POC1A: variants seen among roughly 807,000 people sequenced by gnomAD.
The protein encoded by POC1A is POC1 centriolar protein homolog A.
Under a neutral mutation model 47.8 loss-of-function variants are expected in POC1A, and 34 were observed. The observed-to-expected ratio is 0.71, with a 90% confidence interval of 0.54 to 0.95. The LOEUF is 0.95. POC1A is among the 40% of genes least tolerant of loss of function. POC1A has a pLI of 0.00. For synonymous variants in POC1A, 177 were observed against 207.6 expected (o/e 0.85, Z 1.27); for missense variants, 466 against 528.3 (o/e 0.88, Z 1.16).
intron 2 of POC1A, 83 bp from the exon 3 acceptor site, chr3:52,150,070 A>C: frequency 8.4e-7 from 1 of 1,186,524 alleles, no homozygotes; most frequent in Non-Finnish European, 1.2e-6. Flanking sequence ...CAGGGGGAGC[A>C]ACTGGCCCAG....
intron 10 of POC1A, among the ~76,000 whole-genome samples, chr3:52,092,678 C>A (rs978535328): frequency 2.0e-5 from 3 of 152,168 alleles, no homozygotes; most frequent in Non-Finnish European, 4.4e-5. Context: ...CGTGGGGAGG[C>A]CTGAAGACTG....
intron 8 of POC1A, among the ~76,000 whole-genome samples, chr3:52,124,031 C>A (rs1456681316): frequency 1.3e-5 from 2 of 152,222 alleles, no homozygotes; most frequent in Non-Finnish European, 2.9e-5. Context: ...GAGCCTCCAA[C>A]TACCCTCTGC....
intron 10 of POC1A, among the ~76,000 whole-genome samples, chr3:52,083,913 G>A (rs1702378833): frequency 6.6e-6 from 1 of 152,264 alleles, no homozygotes; most frequent in Non-Finnish European, 1.5e-5. Context: ...TCTTGGAACT[G>A]TCAGGAGGCC....
At chr3:52,130,037 T>TCCTCCTCAC (rs1319446387) in intron 7 of POC1A, among the ~76,000 whole-genome samples, 3 of 152,128 alleles carry the variant, frequency 2.0e-5, no homozygotes, top group Non-Finnish European at 4.4e-5. Flanking sequence ...GCTCTCCTCA[T>TCCTCCTCAC]CCTCCTCACC....
intron 9 of POC1A, among the ~76,000 whole-genome samples, chr3:52,108,665 G>A (rs371287261): frequency 4.6e-5 from 7 of 152,072 alleles, no homozygotes; most frequent in South Asian, 2.1e-4. Context: ...TACCCAACCC[G>A]CAAAAGCAGC....
chr3:52,152,149 C>G (rs1367375182), intron 1 of POC1A, among the ~76,000 whole-genome samples: 1 of 152,128 alleles, frequency 6.6e-6, no homozygotes, highest in Non-Finnish European at 1.5e-5. Flanking sequence ...GTGGCTCATG[C>G]CTGTATTCTC....
intron 7 of POC1A, among the ~76,000 whole-genome samples, chr3:52,134,252 T>C (rs1311249033): frequency 6.6e-6 from 1 of 152,166 alleles, no homozygotes; most frequent in Non-Finnish European, 1.5e-5. Flanking sequence ...TATAAATGTA[T>C]TTATTACCAC....
chr3:52,150,267 A>T (rs763293256), intron 2 of POC1A, among the ~76,000 whole-genome samples: 7 of 151,984 alleles, frequency 4.6e-5, no homozygotes, highest in Non-Finnish European at 7.4e-5. Context: ...CTCTGGGAAA[A>T]CTCATTCCCA....
intron 10 of POC1A, among the ~76,000 whole-genome samples, chr3:52,096,297 T>G (rs1266160753): frequency 6.6e-6 from 1 of 152,188 alleles, no homozygotes; most frequent in African/African-American, 2.4e-5. Flanking sequence ...CTTTCAAAGC[T>G]CTTCAGTGGC....
intron 9 of POC1A, among the ~76,000 whole-genome samples, chr3:52,119,539 G>C (rs1703692591): frequency 6.6e-6 from 1 of 151,936 alleles, no homozygotes; most frequent in Non-Finnish European, 1.5e-5. Flanking sequence ...GGACTACAGG[G>C]GAGTGCCACC....
At chr3:52,142,968 C>T (rs960827069) in intron 6 of POC1A, among the ~76,000 whole-genome samples, 2 of 152,126 alleles carry the variant, frequency 1.3e-5, no homozygotes, top group African/African-American at 2.4e-5. Flanking sequence ...CTCAGATCAA[C>T]CTGGCTCACT....
At chr3:52,122,317 G>C in intron 9 of POC1A, 62 bp downstream of exon 9, 1 of 956,698 alleles carries the variant, frequency 1.0e-6, no homozygotes, top group Non-Finnish European at 1.7e-6. Context: ...GCCCAGAGCT[G>C]TTCACCATGA....
chr3:52,151,670 A>C (rs1181669464), intron 1 of POC1A, among the ~76,000 whole-genome samples: 1 of 152,078 alleles, frequency 6.6e-6, no homozygotes, highest in Non-Finnish European at 1.5e-5. Flanking sequence ...TGTACAGTAA[A>C]GACGACAAAA....
At chr3:52,111,871 G>A (rs1411519757) in intron 9 of POC1A, among the ~76,000 whole-genome samples, 1 of 152,034 alleles carries the variant, frequency 6.6e-6, no homozygotes, top group Admixed American at 6.6e-5. Context: ...AGACAGCAAG[G>A]GAGACACCAA....
chr3:52,115,892 A>G (rs1218926107), intron 9 of POC1A, among the ~76,000 whole-genome samples: 3 of 152,208 alleles, frequency 2.0e-5, no homozygotes, highest in Non-Finnish European at 4.4e-5. Flanking sequence ...TCTATGAGGC[A>G]AGGGATGAGA....
At chr3:52,153,423 C>T (rs561518453) in intron 1 of POC1A, among the ~76,000 whole-genome samples, 1 of 152,352 alleles carries the variant, frequency 6.6e-6, no homozygotes, top group South Asian at 2.1e-4. Flanking sequence ...GAACAAAGGC[C>T]CTATGGCCTT....
intron 10 of POC1A, among the ~76,000 whole-genome samples, chr3:52,088,005 G>A (rs1702518239): frequency 1.3e-5 from 2 of 152,212 alleles, no homozygotes; most frequent in African/African-American, 4.8e-5. Flanking sequence ...TGTGGACCTT[G>A]ACCTTGGCCG....
chr3:52,111,685 G>A (rs1310389383), intron 9 of POC1A, among the ~76,000 whole-genome samples: 1 of 147,552 alleles, frequency 6.8e-6, no homozygotes, highest in Non-Finnish European at 1.5e-5. Context: ...AAGAGGCTCT[G>A]CAAATAAGAC....
At chr3:52,147,205 A>C in intron 4 of POC1A, 110 bp from the exon 5 acceptor site, 1 of 795,366 alleles carries the variant, frequency 1.3e-6, no homozygotes, top group Middle Eastern at 2.4e-4. Context: ...GCCTGCAGGA[A>C]CCACCCGGGG....
Sources: allele counts gnomAD v4.1 joint callset (sites outside exome capture counted in the v4.1 genomes callset), GRCh38; gene constraint gnomAD v4.1.1; transcripts MANE v1.5; gene names NCBI Gene and HGNC (gene_info 2026-07-23, HGNC 2026-07-21).